AKAP6: variants seen among roughly 807,000 people sequenced by gnomAD.
AKAP6 encodes the protein A-kinase anchor protein 6.
In AKAP6, 58 loss-of-function variants were observed where a neutral mutation model predicts 188.5. That is an observed-to-expected ratio of 0.31 (90% confidence interval 0.25 to 0.38). The LOEUF (loss-of-function observed/expected upper bound fraction) is 0.38. AKAP6 is among the 10% of genes least tolerant of loss of function. AKAP6 has a pLI of 1.00. For synonymous variants in AKAP6, 989 were observed against 998.6 expected, an observed-to-expected ratio of 0.99 and a Z score of 0.18; for missense variants, 2,710 against 2,740.0, an observed-to-expected ratio of 0.99 and a Z score of 0.24.
At chr14:32,808,896 C>T (rs2034154883) in intron 12 of AKAP6, among the ~76,000 whole-genome samples, 1 of 152,136 alleles carries the variant, frequency 6.6e-6, no homozygotes, top group Non-Finnish European at 1.5e-5. Context: ...TGGCACTGCA[C>T]AGAACTGAAT....
intron 2 of AKAP6, among the ~76,000 whole-genome samples, chr14:32,492,824 T>C (rs897948455): frequency 6.6e-6 from 1 of 152,194 alleles, no homozygotes; most frequent in Non-Finnish European, 1.5e-5. Context: ...TTAGAAAATA[T>C]GCCTTTTTCT....
intron 3 of AKAP6, among the ~76,000 whole-genome samples, chr14:32,543,101 T>G (rs1364780700): frequency 2.0e-5 from 3 of 152,216 alleles, no homozygotes. Context: ...ATAAATTGCT[T>G]TTAATTACAG....
rs1026208428 is a variant in AKAP6, at chr14:32,366,249, T to G, written c.-35+36841T>G. Among the ~76,000 whole-genome samples, 104 of 152,380 alleles carry G rather than the reference T, an allele frequency of 6.8e-4. 1 individual carries two copies. Among genetic ancestry groups the G allele is most frequent in the African/African-American group, 2.4e-3 (101 of 41,590 alleles). On this transcript the variant is annotated intron_variant, in intron 1 of 13. Coordinates refer to ENST00000280979, the MANE Select transcript of AKAP6 (RefSeq NM_004274.5). ...TCGCTGCCCACTTGCAGTGACCTGA[T>G]GCCTGATAGCCAGACTCTATTATTT...
chr14:32,375,349 TA>T (rs1888126333), intron 1 of AKAP6, among the ~76,000 whole-genome samples: 1 of 152,218 alleles, frequency 6.6e-6, no homozygotes, highest in South Asian at 2.1e-4. Flanking sequence ...AAGCTCAAAG[TA>T]CCTGTAGGAC....
At chr14:32,396,527 CA>C (rs1421511389) in intron 1 of AKAP6, among the ~76,000 whole-genome samples, 1 of 152,138 alleles carries the variant, frequency 6.6e-6, no homozygotes, top group African/African-American at 2.4e-5. Flanking sequence ...TCCTTCCTGC[CA>C]GTGATCAGTT....
At chr14:32,594,766 G>A (rs1885624370) in intron 5 of AKAP6, among the ~76,000 whole-genome samples, 1 of 152,146 alleles carries the variant, frequency 6.6e-6, no homozygotes, top group Non-Finnish European at 1.5e-5. Flanking sequence ...TTGTAAAAAG[G>A]CAAGTTTTCA....
intron 2 of AKAP6, among the ~76,000 whole-genome samples, chr14:32,510,765 A>G (rs948015895): frequency 2.0e-5 from 3 of 152,086 alleles, no homozygotes; most frequent in Non-Finnish European, 4.4e-5. Flanking sequence ...CCCTCATCAT[A>G]TGATCACAGA....
At chr14:32,361,169 G>C (rs371046470) in intron 1 of AKAP6, among the ~76,000 whole-genome samples, 29 of 151,952 alleles carry the variant, frequency 1.9e-4, no homozygotes, top group African/African-American at 6.5e-4. Flanking sequence ...ATAGGATGAG[G>C]GGAATGCGGA....
chr14:32,772,023 G>C (rs1224098971), intron 11 of AKAP6, among the ~76,000 whole-genome samples: 1 of 152,022 alleles, frequency 6.6e-6, no homozygotes, highest in Non-Finnish European at 1.5e-5. Context: ...TAGAGCAAGA[G>C]ATAAATTGAA....
rs758961035 is a variant in AKAP6 at position 32,678,354 on chromosome 14, T to C, written c.2774T>C (p.Val925Ala). Reference sequence around the variant, plus strand: ...TACCTGGAAGCACAAAGAGATGCTGTTGAGCAGATGTCCCTCAAGCTGTAC... The same window carrying C: ...TACCTGGAAGCACAAAGAGATGCTGCTGAGCAGATGTCCCTCAAGCTGTAC... ...LCYLEAQRDA[V>A]EQMSLKLYSE... Residue 925 changes from valine to alanine, a missense_variant, in exon 8 of 14, where the codon GTT becomes GCT. Coordinates refer to ENST00000280979, the MANE Select transcript of AKAP6 (RefSeq NM_004274.5). 2 of 1,613,740 alleles carry C rather than the reference T, an allele frequency of 1.2e-6. No individual in the cohort carries two copies. Among genetic ancestry groups the C allele is most frequent in the Admixed American group, 1.7e-5 (1 of 59,994 alleles).
chr14:32,415,010 C>T (rs945687042), intron 1 of AKAP6, among the ~76,000 whole-genome samples: 2 of 152,126 alleles, frequency 1.3e-5, no homozygotes, highest in Non-Finnish European at 2.9e-5. Flanking sequence ...CTGATTATAA[C>T]CTAAGAAAGA....
intron 2 of AKAP6, among the ~76,000 whole-genome samples, chr14:32,490,924 A>G (rs1221743132): frequency 6.6e-6 from 1 of 152,210 alleles, no homozygotes; most frequent in Non-Finnish European, 1.5e-5. Context: ...AGATTCAGTC[A>G]AAGTGCAAAT....
intron 8 of AKAP6, among the ~76,000 whole-genome samples, chr14:32,684,178 A>T (rs553224697): frequency 2.2e-4 from 32 of 143,576 alleles, no homozygotes; most frequent in African/African-American, 8.5e-4. Flanking sequence ...TCCTCAGCCA[A>T]CATTAAGGAC....
At chr14:32,724,026 C>T (rs981878559) in intron 9 of AKAP6, among the ~76,000 whole-genome samples, 1 of 151,854 alleles carries the variant, frequency 6.6e-6, no homozygotes, top group African/African-American at 2.4e-5. Flanking sequence ...AGTATTTACA[C>T]CAGGGAAATC....
chr14:32,397,635 T>A (rs1888924977), intron 1 of AKAP6, among the ~76,000 whole-genome samples: 1 of 152,144 alleles, frequency 6.6e-6, no homozygotes, highest in Admixed American at 6.6e-5. Flanking sequence ...TAACACACAC[T>A]TCTAAGCACA....
At chr14:32,346,111 A>G (rs1172736482) in intron 1 of AKAP6, among the ~76,000 whole-genome samples, 1 of 152,186 alleles carries the variant, frequency 6.6e-6, no homozygotes, top group Non-Finnish European at 1.5e-5. Flanking sequence ...CCCATCATGA[A>G]GACCACTACT....
At chr14:32,681,847 T>A (rs1371807680) in intron 8 of AKAP6, among the ~76,000 whole-genome samples, 1 of 152,058 alleles carries the variant, frequency 6.6e-6, no homozygotes, top group Non-Finnish European at 1.5e-5. Flanking sequence ...CCCAGCTGAT[T>A]TTTTGTACTT....
At chr14:32,628,467 T>C (rs1002688920) in intron 7 of AKAP6, among the ~76,000 whole-genome samples, 1 of 152,120 alleles carries the variant, frequency 6.6e-6, no homozygotes, top group African/African-American at 2.4e-5. Context: ...CAAGCTGCTC[T>C]GAAGTCTTCT....
At chr14:32,606,371 A>C (rs895453197) in intron 7 of AKAP6, among the ~76,000 whole-genome samples, 1 of 152,130 alleles carries the variant, frequency 6.6e-6, no homozygotes, top group Non-Finnish European at 1.5e-5. Context: ...GAAAGCAAGA[A>C]AGCATCTTTA....
Sources: gnomAD v4.1 joint callset for allele counts (sites outside exome capture counted in the v4.1 genomes callset) on GRCh38, gnomAD v4.1.1 for gene constraint, MANE v1.5 for transcripts, NCBI Gene and HGNC (gene_info 2026-07-23, HGNC 2026-07-21) for gene names.